PZP: variants seen among roughly 807,000 people sequenced by gnomAD.
The protein encoded by PZP is pregnancy zone protein.
PZP carries 150 observed loss-of-function variants against 179.8 expected under a neutral mutation model. That is an observed-to-expected ratio of 0.83 (90% confidence interval 0.73 to 0.96). PZP has a LOEUF of 0.96. PZP is among the 40% of genes least tolerant of loss of function. The pLI is 0.00. For synonymous variants in PZP, 624 were observed against 652.3 expected, an observed-to-expected ratio of 0.96 and a Z score of 0.66; for missense variants, 1,689 against 1,764.0, an observed-to-expected ratio of 0.96 and a Z score of 0.76.
chr12:9,150,582 C>T (rs978309144), intron 34 of PZP, 62 bp downstream of exon 34: 1 of 1,103,602 alleles, frequency 9.1e-7, no homozygotes, highest in Non-Finnish European at 1.4e-6. Flanking sequence ...AGAGGATCAA[C>T]TGTCACAACA....
In PZP at chr12:9,196,674, A is replaced by G; in HGVS notation, c.879T>C (p.Asn293=). The change falls in exon 9 of 36, where the codon AAT becomes AAC. Residue 293 remains asparagine, a synonymous_variant. Coordinates refer to ENST00000261336, the MANE Select transcript of PZP (RefSeq NM_002864.3). ...CEEFSQQLNS[N]GCITQQVHTK... Reference sequence around the variant, plus strand: ...TGTGTACTTGTTGGGTGATGCAGCCATTGCTGTTAAGCTGAGAAAAATACC... The same window carrying G: ...TGTGTACTTGTTGGGTGATGCAGCCGTTGCTGTTAAGCTGAGAAAAATACC... 1 of 1,608,230 alleles carries G rather than the reference A, an allele frequency of 6.2e-7. No homozygotes were observed.
At chr12:9,204,455 A>G (rs765820528) in intron 1 of PZP, among the ~76,000 whole-genome samples, 81 of 152,382 alleles carry the variant, frequency 5.3e-4, no homozygotes, top group Admixed American at 1.6e-3. Flanking sequence ...TTCAGTAAGC[A>G]TATATCATTA....
At chr12:9,191,393 T>A (rs1943447342) in intron 13 of PZP, among the ~76,000 whole-genome samples, 1 of 152,158 alleles carries the variant, frequency 6.6e-6, no homozygotes. Flanking sequence ...CAGTTTTTAA[T>A]GTTTAATTAA....
chr12:9,173,858 C>G (rs1356457925), intron 15 of PZP, among the ~76,000 whole-genome samples: 1 of 151,974 alleles, frequency 6.6e-6, no homozygotes, highest in Non-Finnish European at 1.5e-5. Flanking sequence ...CCAAAAAAAG[C>G]CCAGGACCAG....
At chr12:9,207,857 C>G (rs1351652464) in intron 1 of PZP, among the ~76,000 whole-genome samples, 2 of 152,156 alleles carry the variant, frequency 1.3e-5, no homozygotes, top group East Asian at 3.8e-4. Flanking sequence ...TTGGTGAAGA[C>G]TTGATACATG....
the PZP span, among the ~76,000 whole-genome samples, chr12:9,140,488 C>T: frequency 6.6e-6 from 1 of 152,096 alleles, no homozygotes; most frequent in African/African-American, 2.4e-5. Flanking sequence ...CTGCCAGTAA[C>T]CGTTATTAAA....
At chr12:9,172,030 C>G (rs1377295670) in intron 15 of PZP, among the ~76,000 whole-genome samples, 1 of 152,124 alleles carries the variant, frequency 6.6e-6, no homozygotes, top group Non-Finnish European at 1.5e-5. Context: ...AACCCAAAGA[C>G]ACAAAATCAT....
At chr12:9,193,764 A>G (rs1943588833) in intron 11 of PZP, among the ~76,000 whole-genome samples, 1 of 152,124 alleles carries the variant, frequency 6.6e-6, no homozygotes, top group Non-Finnish European at 1.5e-5. Context: ...AGTGACCTGG[A>G]AAAAATAACA....
chr12:9,181,153 G>T, intron 14 of PZP, 21 bp from the exon 15 acceptor site: 1 of 1,613,460 alleles, frequency 6.2e-7, no homozygotes, highest in South Asian at 1.1e-5. Context: ...TGAAGGAAAC[G>T]TCAACCAGTG....
intron 7 of PZP, among the ~76,000 whole-genome samples, chr12:9,197,432 A>G: frequency 7.3e-6 from 1 of 136,278 alleles, no homozygotes; most frequent in East Asian, 2.0e-4. Context: ...ATAATTATTA[A>G]TTATTGGAGT....
chr12:9,192,395 G>A (rs1943508945), intron 12 of PZP, 117 bp downstream of exon 12: 14 of 1,267,286 alleles, frequency 1.1e-5, no homozygotes, highest in East Asian at 2.4e-5. Context: ...AATGAAGGAC[G>A]CACAACAAGA....
In PZP at chr12:9,192,560, CA is replaced by C; in HGVS notation, c.1433del (p.Leu478ArgfsTer17). 6.2e-7 allele frequency: 1 copy of C among 1,614,166 alleles called. No homozygotes were observed. ...ATAACTCTCCCATGGCCTGTCTATT[CA>C]GTGTATAGTGTGCCGTGATAGTCTC... ...HTETITAHYT[L>X]NRQAMGELSE... is the part of the protein sequence containing the mutation. On this transcript the variant is annotated frameshift_variant, in exon 12 of 36. Coordinates refer to ENST00000261336, the MANE Select transcript of PZP (RefSeq NM_002864.3). LOFTEE classifies it high-confidence loss of function.
At position 9,203,789 on chromosome 12, in the gene PZP, T is replaced by C. The variant is rs1944310735; in HGVS notation, c.246A>G (p.Leu82=). The C allele has an allele frequency of 6.2e-7, 1 of 1,614,116 alleles. No homozygotes were observed. The highest frequency in any genetic ancestry group is 1.3e-5 in the African/African-American group (1 of 75,016). The part of the protein sequence containing the change: ...LFTDLVAEKD[L]FHCVSFTLPR... ...TCACAGTGAAGGAGACACAGTGGAATAAGTCCTTCTCCGCCACCAGGTCAG... is the reference window on the plus strand; with the variant it reads ...TCACAGTGAAGGAGACACAGTGGAACAAGTCCTTCTCCGCCACCAGGTCAG... Residue 82 remains leucine (L), a synonymous_variant, in exon 2 of 36, where the codon TTA becomes TTG. Coordinates refer to ENST00000261336, the MANE Select transcript of PZP (RefSeq NM_002864.3).
At position 9,169,579 on chromosome 12, in the gene PZP, G is replaced by A. The variant is rs1329900158; in HGVS notation, c.1852C>T (p.Leu618=). ...AAATTGGTGAGATCCTTCACAGTTA[G>A]CAGATTATATACCTGTAGCAGTGGG... The part of the protein sequence containing the change: ...ELSVSSVYNL[L]TVKDLTNFPD... The change falls in exon 16 of 36, where the codon CTA becomes TTA. Residue 618 remains leucine, a synonymous_variant. Coordinates refer to ENST00000261336, the MANE Select transcript of PZP (RefSeq NM_002864.3). 3 of 1,611,696 alleles carry A rather than the reference G, an allele frequency of 1.9e-6. No individual in the cohort carries two copies. The highest frequency in any genetic ancestry group is 2.5e-6 in the Non-Finnish European group (3 of 1,179,146).
At chr12:9,164,685 G>A (rs1163311706) in intron 19 of PZP, among the ~76,000 whole-genome samples, 1 of 152,142 alleles carries the variant, frequency 6.6e-6, no homozygotes, top group African/African-American at 2.4e-5. Context: ...CCGATCTTGA[G>A]GATATTGTGT....
At position 9,170,971 on chromosome 12, in the gene PZP, A is replaced by G. The variant is rs1391372472; in HGVS notation, c.1840-1380T>C. On this transcript the variant is annotated intron_variant, in intron 15 of 35. Transcript: ENST00000261336. The surrounding 1 kb of genome is among the most constrained non-coding windows in gnomAD (Gnocchi z 4.6). ...TCCAGGTGAGGAAGGATCCCACCCA[A>G]TGCAGCCCACCTGCTCTACCAAAAA... is the stretch of plus-strand genomic sequence containing the variant. Among the ~76,000 whole-genome samples, 2 of 152,120 alleles carry G rather than the reference A, an allele frequency of 1.3e-5. No individual in the cohort carries two copies. Among genetic ancestry groups the G allele is most frequent in the Admixed American group, 6.5e-5 (1 of 15,272 alleles).
intron 15 of PZP, among the ~76,000 whole-genome samples, chr12:9,172,121 A>G (rs1942046595): frequency 6.6e-6 from 1 of 152,210 alleles, no homozygotes; most frequent in Non-Finnish European, 1.5e-5. Context: ...AAAAGGAAAC[A>G]TATCATACTA....
chr12:9,182,223 G>C, intron 13 of PZP, 106 bp from the exon 14 acceptor site: 6 of 1,086,178 alleles, frequency 5.5e-6, no homozygotes, highest in Non-Finnish European at 7.5e-6. Context: ...CTTGAGAACT[G>C]CGTCCATTCA....
At chr12:9,154,917 A>C in intron 28 of PZP, 78 bp from the exon 29 acceptor site, 1 of 1,352,210 alleles carries the variant, frequency 7.4e-7, no homozygotes, top group African/African-American at 1.5e-5. Flanking sequence ...ATGCACATTC[A>C]TAATACATGG....
Sources: allele counts gnomAD v4.1 joint callset (sites outside exome capture counted in the v4.1 genomes callset), GRCh38; gene constraint gnomAD v4.1.1; non-coding constraint Gnocchi (gnomAD v3.1); transcripts MANE v1.5; gene names NCBI Gene and HGNC (gene_info 2026-07-23, HGNC 2026-07-21).